Variants in RGS7 observed in about 807,000 individuals in gnomAD.
The protein encoded by RGS7 is regulator of G-protein signaling 7.
A neutral mutation model predicts 81.1 loss-of-function variants in RGS7; 27 were observed. The ratio of observed to expected loss-of-function variants is 0.33; its 90% CI spans 0.25 to 0.46. The LOEUF (loss-of-function observed/expected upper bound fraction) is 0.46, where lower values mean the gene tolerates loss of function less well. RGS7 is among the 20% of genes least tolerant of loss of function. The pLI is 1.00. For synonymous variants in RGS7, 208 were observed against 207.7 expected, an observed-to-expected ratio of 1.00 and a Z score of -0.01; for missense variants, 396 against 607.4, an observed-to-expected ratio of 0.65 and a Z score of 3.66.
At chr1:241,068,529 A>G (rs2148859553) in intron 3 of RGS7, among the ~76,000 whole-genome samples, 1 of 152,070 alleles carries the variant, frequency 6.6e-6, no homozygotes, top group South Asian at 2.1e-4. Flanking sequence ...AGATGAGGAA[A>G]CAGAAGCACC....
At chr1:240,819,968 C>T (rs1691491938) in intron 10 of RGS7, among the ~76,000 whole-genome samples, 1 of 152,040 alleles carries the variant, frequency 6.6e-6, no homozygotes. Flanking sequence ...TGATTGTTGG[C>T]TACAATGAAA....
chr1:241,006,774 C>T (rs1272399638), intron 3 of RGS7, among the ~76,000 whole-genome samples: 1 of 152,138 alleles, frequency 6.6e-6, no homozygotes, highest in Non-Finnish European at 1.5e-5. Flanking sequence ...GACTTTCTTC[C>T]ACCTCTGCCA....
At chr1:240,963,904 T>C (rs1681873395) in intron 4 of RGS7, among the ~76,000 whole-genome samples, 1 of 152,176 alleles carries the variant, frequency 6.6e-6, no homozygotes. Flanking sequence ...CCCAGCACTT[T>C]GGGAGGCCGA....
intron 2 of RGS7, among the ~76,000 whole-genome samples, chr1:241,124,564 G>A (rs747128089): frequency 5.9e-5 from 9 of 152,320 alleles, no homozygotes; most frequent in East Asian, 3.9e-4. Context: ...AAAGGAAAAC[G>A]TCTACCTTTA....
chr1:241,327,944 T>C (rs1260927462), intron 2 of RGS7, among the ~76,000 whole-genome samples: 1 of 152,206 alleles, frequency 6.6e-6, no homozygotes, highest in East Asian at 1.9e-4. Context: ...AAAGTAACCA[T>C]ATTTTCAAAG....
intron 2 of RGS7, among the ~76,000 whole-genome samples, chr1:241,136,471 AG>A (rs1374515254): frequency 6.6e-6 from 1 of 152,090 alleles, no homozygotes; most frequent in Non-Finnish European, 1.5e-5. Flanking sequence ...CATGGGGTAG[AG>A]GGGAGTGTCA....
chr1:241,263,201 C>T (rs537250630), intron 2 of RGS7, among the ~76,000 whole-genome samples: 2 of 152,180 alleles, frequency 1.3e-5, no homozygotes, highest in East Asian at 3.9e-4. Context: ...TGCTTGAAAC[C>T]GGAAGGTAGA....
chr1:240,878,121 C>T (rs1203541003), intron 6 of RGS7, among the ~76,000 whole-genome samples: 1 of 152,252 alleles, frequency 6.6e-6, no homozygotes, highest in East Asian at 1.9e-4. Flanking sequence ...CTCTCCTTTC[C>T]GTCTCTGGAG....
rs551295388 is a variant in RGS7, at chr1:240,982,994, T to C, written c.226+85A>G. The C allele has an allele frequency of 2.0e-5, 15 of 749,596 alleles. No homozygotes were observed. The South Asian group carries it at 2.0e-4, about 10-fold the overall frequency. The allele number at this position is 749,596 out of a possible 1,614,324, so 46.4% of individuals were successfully genotyped here. A position where few individuals can be genotyped will look rare whatever the true frequency, so the allele number is the denominator to read the frequency against. ...TAATTTTTCAGGAGGTTTGCTTGCG[T>C]GCCATATTAAAATATCCCTGATGAA... On this transcript the variant is annotated intron_variant, in intron 4 of 18. Transcript: ENST00000440928.
At chr1:241,151,507 T>C (rs1367130446) in intron 2 of RGS7, among the ~76,000 whole-genome samples, 1 of 151,046 alleles carries the variant, frequency 6.6e-6, no homozygotes, top group Non-Finnish European at 1.5e-5. Context: ...CACTCAACTC[T>C]GTCAAAGACA....
At chr1:241,147,641 A>G (rs79430902) in intron 2 of RGS7, among the ~76,000 whole-genome samples, 1,723 of 151,768 alleles carry the variant, frequency 0.011, 40 homozygotes, top group East Asian at 0.06. Flanking sequence ...CCAGGAAATC[A>G]CATTTCAACA....
intron 2 of RGS7, among the ~76,000 whole-genome samples, chr1:241,192,621 T>G (rs1167317525): frequency 6.6e-6 from 1 of 152,166 alleles, no homozygotes; most frequent in East Asian, 1.9e-4. Context: ...CATGAATAAT[T>G]TATCCATGAA....
rs138211646 is a variant in RGS7, at chr1:241,141,777, C to T, written c.79-43015G>A. On this transcript the variant is annotated intron_variant, in intron 2 of 18. Coordinates refer to ENST00000440928, the MANE Select transcript of RGS7 (RefSeq NM_001364886.1). Reference sequence around the variant, plus strand: ...ACAGACAAACCATATCATTATGCCCCTGGCCCCTGGAAAATCTCATGTACC... The same window carrying T: ...ACAGACAAACCATATCATTATGCCCTTGGCCCCTGGAAAATCTCATGTACC... Among the ~76,000 whole-genome samples, 507 of 152,312 alleles carry T rather than the reference C, an allele frequency of 3.3e-3. 3 individuals are homozygous for T. Among genetic ancestry groups the T allele is most frequent in the Non-Finnish European group, 5.1e-3 (346 of 68,032 alleles).
intron 18 of RGS7, among the ~76,000 whole-genome samples, chr1:240,789,947 C>T (rs565034438): frequency 5.9e-5 from 9 of 152,250 alleles, no homozygotes; most frequent in Admixed American, 1.3e-4. Context: ...TGGGGCATCA[C>T]GGAACCTGCC....
chr1:240,864,626 G>A (rs1662887246), intron 9 of RGS7, among the ~76,000 whole-genome samples: 1 of 152,124 alleles, frequency 6.6e-6, no homozygotes, highest in Admixed American at 6.5e-5. Context: ...AAATAAAAAT[G>A]CAAGCATACA....
At position 241,335,036 on chromosome 1, in the gene RGS7, T is replaced by C. The variant is rs1386600188; in HGVS notation, c.78+20663A>G. Among the ~76,000 whole-genome samples, 4 of 152,178 alleles carry C rather than the reference T, an allele frequency of 2.6e-5. No individual in the cohort carries two copies. The East Asian group carries it at 5.8e-4, about 22-fold the overall frequency. ...TTGATTATTCCAATCTCCACACTAA[T>C]AAGTGGGGCTAAACCAAGTAAAATC... On this transcript the variant is annotated intron_variant, in intron 2 of 18. Transcript: ENST00000440928.
chr1:241,268,875 T>C (rs1319015722), intron 2 of RGS7, among the ~76,000 whole-genome samples: 1 of 152,188 alleles, frequency 6.6e-6, no homozygotes, highest in African/African-American at 2.4e-5. Context: ...CTCTTCACTA[T>C]TGACCTTGTC....
At chr1:241,147,782 A>ATATATATT (rs1572888740) in intron 2 of RGS7, among the ~76,000 whole-genome samples, 2 of 73,988 alleles carry the variant, frequency 2.7e-5, no homozygotes, top group East Asian at 8.8e-4. Flanking sequence ...ATTAAGTTTT[A>ATATATATT]TATATATATA....
chr1:240,871,060 T>C (rs565646743), intron 6 of RGS7, among the ~76,000 whole-genome samples: 3 of 152,278 alleles, frequency 2.0e-5, no homozygotes, highest in South Asian at 2.1e-4. Context: ...TTGAGCAAAT[T>C]TCTTCAATTA....
Sources: gnomAD v4.1 joint callset for allele counts (sites outside exome capture counted in the v4.1 genomes callset) on GRCh38, gnomAD v4.1.1 for gene constraint, MANE v1.5 for transcripts, NCBI Gene and HGNC (gene_info 2026-07-23, HGNC 2026-07-21) for gene names.